Variants in CNOT1 observed in about 807,000 individuals in gnomAD.
CNOT1 encodes the protein CCR4-NOT transcription complex subunit 1, also known as CCR4-associated factor 1.
In CNOT1, 15 loss-of-function variants were observed where a neutral mutation model predicts 273.8. That is an observed-to-expected ratio of 0.05 (90% CI 0.04 to 0.08). The LOEUF is 0.08. CNOT1 is among the 10% of genes least tolerant of loss of function. The probability of loss-of-function intolerance (pLI) is 1.00; values close to 1 mark genes in which losing one functional copy is unlikely to be tolerated. For missense variants in CNOT1, 1,644 were observed against 2,912.2 expected, an observed-to-expected ratio of 0.56 and a Z score of 10.02; for synonymous variants, 1,022 against 1,005.5, an observed-to-expected ratio of 1.02 and a Z score of -0.31.
At chr16:58,610,582 A>G (rs562840277) in intron 1 of CNOT1, among the ~76,000 whole-genome samples, 46 of 151,708 alleles carry the variant, frequency 3.0e-4, no homozygotes, top group Admixed American at 1.9e-3. Flanking sequence ...GGTGGCTCAC[A>G]CCTGTAATCC....
Position 58,547,553 on chromosome 16 carries a change from A to C in CNOT1, c.3639+13T>G. On this transcript the variant is annotated intron_variant, in intron 26 of 48. Coordinates refer to ENST00000317147, the MANE Select transcript of CNOT1 (RefSeq NM_016284.5). The surrounding 1 kb of genome is among the most constrained non-coding windows in gnomAD (Gnocchi z 4.0). ...GAAGATTCTCAATTTTTACACATTT[A>C]GATGAAACTCACAGTGTGTAAGATG... The C allele has an allele frequency of 6.2e-7, 1 of 1,601,006 alleles. No homozygotes were observed. Among genetic ancestry groups the C allele is most frequent in the South Asian group, 1.1e-5 (1 of 88,926 alleles).
chr16:58,616,811 G>GTTAT (rs2043101675), intron 1 of CNOT1, among the ~76,000 whole-genome samples: 1 of 152,028 alleles, frequency 6.6e-6, no homozygotes, highest in Non-Finnish European at 1.5e-5. Context: ...AGTGAAATAT[G>GTTAT]TTATTTCCTT....
intron 42 of CNOT1, among the ~76,000 whole-genome samples, chr16:58,531,741 C>T (rs1257566909): frequency 6.6e-6 from 1 of 152,096 alleles, no homozygotes; most frequent in African/African-American, 2.4e-5. Flanking sequence ...AGGTGGCCCA[C>T]AACTGAGTTG....
chr16:58,585,925 A>G (rs2041818222), intron 7 of CNOT1, among the ~76,000 whole-genome samples: 1 of 152,100 alleles, frequency 6.6e-6, no homozygotes, highest in Admixed American at 6.6e-5. Context: ...TAAACTCTAT[A>G]AACATTAAGA....
intron 16 of CNOT1, among the ~76,000 whole-genome samples, chr16:58,562,531 G>A (rs375506860): frequency 9.7e-4 from 145 of 149,008 alleles, no homozygotes; most frequent in African/African-American, 3.5e-3. Context: ...AAAAAAAAGC[G>A]GCGGGGGGGC....
chr16:58,567,256 A>G (rs1168249639), intron 16 of CNOT1, among the ~76,000 whole-genome samples: 1 of 152,158 alleles, frequency 6.6e-6, no homozygotes, highest in Non-Finnish European at 1.5e-5. Flanking sequence ...GCTTGAGCCC[A>G]CGAGTGAGCC....
chr16:58,614,411 A>T (rs9930898), intron 1 of CNOT1, among the ~76,000 whole-genome samples: 74,571 of 123,810 alleles, frequency 0.6, 30,349 homozygotes, highest in African/African-American at 0.79. Flanking sequence ...CTAGATGAAT[A>T]CCAGCTTTCT....
Position 58,547,350 on chromosome 16 carries a change from T to C in CNOT1, c.3640-54A>G. ...GGGGAATATACCCCCCAAAATGGTA[T>C]AACAAAACCAAAGAAAAGTATTTTG... On this transcript the variant is annotated intron_variant, in intron 26 of 48. Coordinates refer to ENST00000317147, the MANE Select transcript of CNOT1 (RefSeq NM_016284.5). This position sits in a 1 kb window ranked among gnomAD's most constrained non-coding sequence, Gnocchi z 4.0. 6.3e-7 allele frequency: 1 copy of C among 1,594,924 alleles called. No homozygotes were observed. The highest frequency in any genetic ancestry group is 8.5e-7 in the Non-Finnish European group (1 of 1,170,648).
intron 39 of CNOT1, 32 bp downstream of exon 39, chr16:58,536,957 A>G: frequency 6.2e-7 from 1 of 1,610,494 alleles, no homozygotes; most frequent in Non-Finnish European, 8.5e-7. Context: ...CTTATGTTGA[A>G]TAAAAAGCAC....
intron 1 of CNOT1, among the ~76,000 whole-genome samples, chr16:58,601,142 G>A (rs2042446375): frequency 6.6e-6 from 1 of 152,224 alleles, no homozygotes; most frequent in African/African-American, 2.4e-5. Flanking sequence ...TTTTAGTAAA[G>A]AAGGGGTTTC....
chr16:58,589,684 CG>C (rs2041991374), intron 2 of CNOT1, among the ~76,000 whole-genome samples: 1 of 152,010 alleles, frequency 6.6e-6, no homozygotes, highest in Non-Finnish European at 1.5e-5. Context: ...AACAATTTTA[CG>C]TAACTCAAAT....
Position 58,574,755 on chromosome 16 carries a change from A to G in CNOT1, c.1833T>C (p.Pro611=). ...LTDKIREHGE[P]FIQACMTFLK... Reference sequence around the variant, plus strand: ...AAAAAGTCATACACGCCTGGATAAAAGGCTCCTGAAGAATAGAAAAGTCTC... The same window carrying G: ...AAAAAGTCATACACGCCTGGATAAAGGGCTCCTGAAGAATAGAAAAGTCTC... Residue 611 remains proline (P), a synonymous_variant, in exon 16 of 49, where the codon CCT becomes CCC. Transcript: ENST00000317147. The G allele has an allele frequency of 6.3e-7, 1 of 1,588,750 alleles. No individual in the cohort carries two copies. The highest frequency in any genetic ancestry group is 8.5e-7 in the Non-Finnish European group (1 of 1,174,618).
At chr16:58,590,639 C>A (rs917381526) in intron 2 of CNOT1, among the ~76,000 whole-genome samples, 5 of 152,036 alleles carry the variant, frequency 3.3e-5, no homozygotes, top group African/African-American at 1.2e-4. Context: ...GTGGCTTACA[C>A]CTGTAATCCA....
rs1359633093 is a variant in CNOT1 at position 58,574,514 on chromosome 16, T to G, written c.1979+95A>C. ...TTAAAACCATTGGACCATTTTAAAC[T>G]GCTGTCACTTTCACTGAACCTCTTC... On this transcript the variant is annotated intron_variant, in intron 16 of 48. Coordinates refer to ENST00000317147, the MANE Select transcript of CNOT1 (RefSeq NM_016284.5). The G allele has an allele frequency of 3.2e-6, 4 of 1,233,650 alleles. No individual in the cohort carries two copies. The African/African-American group carries it at 4.6e-5, about 14-fold the overall frequency. 76.4% of individuals were successfully genotyped at this position (1,233,650 alleles called of 1,614,324 possible).
At chr16:58,620,064 A>G (rs576312940) in intron 1 of CNOT1, among the ~76,000 whole-genome samples, 2 of 152,322 alleles carry the variant, frequency 1.3e-5, no homozygotes, top group East Asian at 1.9e-4. Context: ...AAGAAAAACC[A>G]GAGTATCGAT....
At chr16:58,580,133 C>A (rs769899256) in intron 12 of CNOT1, among the ~76,000 whole-genome samples, 1 of 151,970 alleles carries the variant, frequency 6.6e-6, no homozygotes, top group Non-Finnish European at 1.5e-5. Flanking sequence ...TCGCTTAAAC[C>A]GGGGAGGCGG....
intron 16 of CNOT1, among the ~76,000 whole-genome samples, chr16:58,570,176 C>T (rs2041218187): frequency 1.3e-5 from 2 of 152,110 alleles, no homozygotes; most frequent in South Asian, 2.1e-4. Flanking sequence ...AGGATATTCC[C>T]TAGATAACAA....
At chr16:58,589,983 T>G (rs1286316400) in intron 2 of CNOT1, among the ~76,000 whole-genome samples, 1 of 152,246 alleles carries the variant, frequency 6.6e-6, no homozygotes, top group Non-Finnish European at 1.5e-5. Context: ...GCATCACTCC[T>G]TATTCTGCTT....
intron 12 of CNOT1, 56 bp downstream of exon 12, chr16:58,580,577 A>G (rs183565051): frequency 3.2e-6 from 5 of 1,574,716 alleles, no homozygotes; most frequent in East Asian, 2.3e-5. Flanking sequence ...TATTAACTTT[A>G]TATTTCACAA....
Sources: gnomAD v4.1 joint callset for allele counts (sites outside exome capture counted in the v4.1 genomes callset) on GRCh38, gnomAD v4.1.1 for gene constraint, Gnocchi (gnomAD v3.1) non-coding constraint, MANE v1.5 for transcripts, NCBI Gene and HGNC (gene_info 2026-07-23, HGNC 2026-07-21) for gene names.